Variants in ELOVL4 observed in about 807,000 individuals in gnomAD.
ELOVL4 encodes the protein ELOVL fatty acid elongase 4.
In ELOVL4, 18 loss-of-function variants were observed where a neutral mutation model predicts 42.1. The ratio of observed to expected loss-of-function variants is 0.43; its 90% CI spans 0.30 to 0.63. The LOEUF is 0.63. Among genes scored for constraint, ELOVL4 ranks in the 30% least tolerant of loss-of-function variants. The pLI is 0.15. For missense variants in ELOVL4, 299 were observed against 376.2 expected (o/e 0.79, Z 1.70); for synonymous variants, 117 against 127.0 (o/e 0.92, Z 0.53).
intron 3 of ELOVL4, among the ~76,000 whole-genome samples, chr6:79,922,343 T>G (rs1367394016): frequency 6.6e-6 from 1 of 152,052 alleles, no homozygotes; most frequent in Non-Finnish European, 1.5e-5. Flanking sequence ...CAGTTTGTAT[T>G]AGGTATTAAA....
chr6:79,921,839 A>G, intron 3 of ELOVL4, 43 bp from the exon 4 acceptor site: 3 of 1,574,246 alleles, frequency 1.9e-6, no homozygotes, highest in South Asian at 2.2e-5. Context: ...AAATGACACT[A>G]TTGTATGGGT....
At chr6:79,924,800 A>C in intron 3 of ELOVL4, 152 bp downstream of exon 3, 1 of 625,258 alleles carries the variant, frequency 1.6e-6, no homozygotes, top group Non-Finnish European at 2.9e-6. Context: ...ATACCACTGC[A>C]CTTCAGTCTG....
chr6:79,926,491 C>T (rs1173230993), intron 1 of ELOVL4, 110 bp from the exon 2 acceptor site: 8 of 1,071,030 alleles, frequency 7.5e-6, no homozygotes, highest in Non-Finnish European at 1.1e-5. Flanking sequence ...TGACTAAATA[C>T]GGATCACTGT....
At chr6:79,932,320 C>T (rs1774460034) in intron 1 of ELOVL4, among the ~76,000 whole-genome samples, 1 of 152,016 alleles carries the variant, frequency 6.6e-6, no homozygotes, top group South Asian at 2.1e-4. Context: ...GCAGGCGAAT[C>T]ACTTGAGGTC....
In ELOVL4 at chr6:79,947,399, G is replaced by A; in HGVS notation, c.-120C>T. On this transcript the variant is annotated 5_prime_UTR_variant, in exon 1 of 6. Coordinates refer to ENST00000369816, the MANE Select transcript of ELOVL4 (RefSeq NM_022726.4). The stretch of plus-strand genomic sequence containing the variant: ...GCCGGGAACCCCTCTAACGGCGGCG[G>A]CCCGGCTGCGTCTTCTCCTGCTCCT... The A allele has an allele frequency of 1.3e-6, 1 of 764,140 alleles. No homozygotes were observed. Among genetic ancestry groups the A allele is most frequent in the South Asian group, 1.5e-5 (1 of 67,818 alleles). 47.3% of individuals were successfully genotyped at this position (764,140 alleles called of 1,614,324 possible).
At chr6:79,929,208 A>G (rs141850758) in intron 1 of ELOVL4, among the ~76,000 whole-genome samples, 1 of 151,906 alleles carries the variant, frequency 6.6e-6, no homozygotes, top group African/African-American at 2.4e-5. Flanking sequence ...AGATTTTGAG[A>G]CAGTGGGTCA....
chr6:79,930,992 A>G (rs917543993), intron 1 of ELOVL4, among the ~76,000 whole-genome samples: 41 of 152,242 alleles, frequency 2.7e-4, no homozygotes, highest in African/African-American at 9.4e-4. Context: ...TACCTCTCCT[A>G]CCACCAACTG....
At chr6:79,923,243 AC>A (rs1442068995) in intron 3 of ELOVL4, among the ~76,000 whole-genome samples, 15 of 152,056 alleles carry the variant, frequency 9.9e-5, no homozygotes, top group Non-Finnish European at 1.6e-4. Flanking sequence ...TAAAATATTC[AC>A]TCTATTGCAT....
At chr6:79,933,685 T>G (rs1240147392) in intron 1 of ELOVL4, among the ~76,000 whole-genome samples, 3 of 152,164 alleles carry the variant, frequency 2.0e-5, no homozygotes, top group Non-Finnish European at 4.4e-5. Context: ...TTGCTAAAAT[T>G]ATAGATTCCC....
At chr6:79,917,142 G>A (rs1388652288) in intron 5 of ELOVL4, among the ~76,000 whole-genome samples, 1 of 151,964 alleles carries the variant, frequency 6.6e-6, no homozygotes, top group African/African-American at 2.4e-5. Context: ...TTTTTTTTAA[G>A]GAGAATTATA....
rs995436000 is a variant in ELOVL4 at position 79,915,440 on chromosome 6, G to C, written c.*1168C>G. Reference sequence around the variant, plus strand: ...AGTCAAGAATATTGCACCAAAATGGGTTTATACTTCATACCTAGTTAATAA... The same window carrying C: ...AGTCAAGAATATTGCACCAAAATGGCTTTATACTTCATACCTAGTTAATAA... On this transcript the variant is annotated 3_prime_UTR_variant, in exon 6 of 6. Transcript: ENST00000369816. 1 of 152,496 alleles carries C rather than the reference G, an allele frequency of 6.6e-6. No individual in the cohort carries two copies. Among genetic ancestry groups the C allele is most frequent in the Non-Finnish European group, 1.5e-5 (1 of 67,982 alleles). 9.4% of individuals were successfully genotyped at this position (152,496 alleles called of 1,614,324 possible). A position where few individuals can be genotyped will look rare whatever the true frequency, so the allele number is the denominator to read the frequency against.
chr6:79,918,514 G>A (rs759504623), intron 5 of ELOVL4, among the ~76,000 whole-genome samples: 13 of 152,230 alleles, frequency 8.5e-5, no homozygotes, highest in South Asian at 2.1e-4. Flanking sequence ...ATACCACTCC[G>A]GTTACAAATG....
At chr6:79,943,363 G>A (rs1054687424) in intron 1 of ELOVL4, among the ~76,000 whole-genome samples, 7 of 152,018 alleles carry the variant, frequency 4.6e-5, no homozygotes, top group East Asian at 1.9e-4. Flanking sequence ...AGTTTCCATG[G>A]TTTTCAGTCA....
In ELOVL4 at chr6:79,924,956, A is replaced by AC; in HGVS notation, c.364dup (p.Val122GlyfsTer14). On this transcript the variant is annotated frameshift_variant, in exon 3 of 6. Coordinates refer to ENST00000369816, the MANE Select transcript of ELOVL4 (RefSeq NM_022726.4). LOFTEE classifies it high-confidence loss of function. ...GAGTATTTTTAATGTACTTACCCTG[A>AC]CTTCATGAACATTATTAGAATAATC... 6.3e-7 allele frequency: 1 copy of AC among 1,594,840 alleles called. No individual in the cohort carries two copies. The highest frequency in any genetic ancestry group is 8.6e-7 in the Non-Finnish European group (1 of 1,162,526).
chr6:79,923,287 A>G (rs1662824118), intron 3 of ELOVL4, among the ~76,000 whole-genome samples: 1 of 152,214 alleles, frequency 6.6e-6, no homozygotes, highest in Non-Finnish European at 1.5e-5. Flanking sequence ...AGCACGAGGA[A>G]GATTTCAAAT....
chr6:79,947,025 A>C (rs1206870726), intron 1 of ELOVL4, among the ~76,000 whole-genome samples, 155 bp downstream of exon 1: 1 of 152,152 alleles, frequency 6.6e-6, no homozygotes, highest in Non-Finnish European at 1.5e-5. Flanking sequence ...ACCAGTGCTC[A>C]ACCGCAGTGC....
chr6:79,933,993 T>C (rs1467344780), intron 1 of ELOVL4, among the ~76,000 whole-genome samples: 1 of 152,198 alleles, frequency 6.6e-6, no homozygotes, highest in Non-Finnish European at 1.5e-5. Flanking sequence ...TCATGATCCA[T>C]AACAGAGTAA....
chr6:79,929,617 C>G (rs1043618325), intron 1 of ELOVL4, among the ~76,000 whole-genome samples: 1 of 152,182 alleles, frequency 6.6e-6, no homozygotes, highest in African/African-American at 2.4e-5. Context: ...CATGGACCAT[C>G]CCCTTTTGAG....
In ELOVL4 at chr6:79,916,864, A is replaced by G. The variant is rs775068223; in HGVS notation, c.689T>C (p.Ile230Thr). 21 of 1,614,020 alleles carry G rather than the reference A, an allele frequency of 1.3e-5. No individual in the cohort carries two copies. Among genetic ancestry groups the G allele is most frequent in the African/African-American group, 2.7e-5 (2 of 74,928 alleles). The change falls in exon 6 of 6, where the codon ATT becomes ACT. Residue 230 changes from isoleucine (I) to threonine (T), a missense_variant. Coordinates refer to ENST00000369816, the MANE Select transcript of ELOVL4 (RefSeq NM_022726.4). ...MLQLIQFHVTIGHTALSLYTD... is the reference protein window; with the variant it reads ...MLQLIQFHVTTGHTALSLYTD... ...GTAAAGAGACAGTGCCGTGTGCCCA[A>G]TGGTCACATGGAATTGAATCTGAAA...
Sources: allele counts gnomAD v4.1 joint callset (sites outside exome capture counted in the v4.1 genomes callset), GRCh38; gene constraint gnomAD v4.1.1; transcripts MANE v1.5; gene names NCBI Gene and HGNC (gene_info 2026-07-23, HGNC 2026-07-21).